HPSE2: variants seen among roughly 807,000 people sequenced by gnomAD.
The protein encoded by HPSE2 is inactive heparanase-2.
In HPSE2, 38 loss-of-function variants were observed where a neutral mutation model predicts 60.5. That is an observed-to-expected ratio of 0.63 (90% CI 0.48 to 0.82). HPSE2 has a LOEUF of 0.82. HPSE2 is among the 40% of genes least tolerant of loss of function. The probability of loss-of-function intolerance (pLI) is 0.00; values close to 1 mark genes in which losing one functional copy is unlikely to be tolerated. For missense variants in HPSE2, 713 were observed against 740.4 expected (o/e 0.96, Z 0.43); for synonymous variants, 295 against 293.2 (o/e 1.01, Z -0.06).
intron 3 of HPSE2, among the ~76,000 whole-genome samples, chr10:98,831,428 T>C (rs1951681758): frequency 1.3e-5 from 2 of 152,160 alleles, no homozygotes; most frequent in South Asian, 2.1e-4. Context: ...CCAATATTTA[T>C]TGAAACAAGG....
At chr10:99,122,606 A>G (rs1041223452) in intron 3 of HPSE2, among the ~76,000 whole-genome samples, 6 of 108,496 alleles carry the variant, frequency 5.5e-5, no homozygotes, top group South Asian at 3.4e-4. Flanking sequence ...AATAAATTTA[A>G]TAAGAATAGA....
chr10:98,776,328 T>C (rs867697391), intron 3 of HPSE2, among the ~76,000 whole-genome samples: 2 of 150,282 alleles, frequency 1.3e-5, no homozygotes, highest in South Asian at 4.2e-4. Context: ...ATGCCTGTAA[T>C]CCCAGCTACT....
intron 3 of HPSE2, among the ~76,000 whole-genome samples, chr10:98,914,197 TGG>T (rs1954055286): frequency 6.6e-6 from 1 of 152,098 alleles, no homozygotes; most frequent in Non-Finnish European, 1.5e-5. Flanking sequence ...TGAGATCTGA[TGG>T]TTCTATAAGG....
chr10:99,298,243 C>CCTCA, the HPSE2 span, among the ~76,000 whole-genome samples: 2 of 152,208 alleles, frequency 1.3e-5, no homozygotes. Flanking sequence ...TCTGCACAAC[C>CCTCA]CTCACTCTCT....
intron 8 of HPSE2, among the ~76,000 whole-genome samples, chr10:98,616,264 C>T (rs1456594194): frequency 6.6e-6 from 1 of 152,178 alleles, no homozygotes; most frequent in African/African-American, 2.4e-5. Flanking sequence ...TAACTTATTT[C>T]TCCACCTTTC....
At chr10:98,724,853 C>G (rs1949028460) in intron 4 of HPSE2, among the ~76,000 whole-genome samples, 1 of 152,050 alleles carries the variant, frequency 6.6e-6, no homozygotes, top group African/African-American at 2.4e-5. Context: ...AACAGACAAA[C>G]AGAGAGCCAA....
chr10:99,051,918 T>C (rs1421227508), intron 3 of HPSE2, among the ~76,000 whole-genome samples: 1 of 151,406 alleles, frequency 6.6e-6, no homozygotes. Context: ...TTTAAGGTGA[T>C]CAGCCAATAA....
intron 4 of HPSE2, among the ~76,000 whole-genome samples, chr10:98,729,712 T>G (rs1949182334): frequency 6.6e-6 from 1 of 151,814 alleles, no homozygotes; most frequent in Non-Finnish European, 1.5e-5. Flanking sequence ...AAATAGATTT[T>G]AAGATAAAAA....
chr10:98,830,965 TAGTA>T (rs1159996629), intron 3 of HPSE2, among the ~76,000 whole-genome samples: 4 of 152,224 alleles, frequency 2.6e-5, no homozygotes, highest in Non-Finnish European at 4.4e-5. Flanking sequence ...TTCCCAGACT[TAGTA>T]AGTAATTGCT....
chr10:98,495,937 C>T (rs1174215200), intron 9 of HPSE2, among the ~76,000 whole-genome samples: 1 of 151,828 alleles, frequency 6.6e-6, no homozygotes, highest in African/African-American at 2.4e-5. Flanking sequence ...TATTTGTATG[C>T]TTTGTAATTT....
At chr10:98,973,643 A>G (rs1391209121) in intron 3 of HPSE2, among the ~76,000 whole-genome samples, 4 of 152,220 alleles carry the variant, frequency 2.6e-5, no homozygotes, top group Admixed American at 1.3e-4. Flanking sequence ...TGATGATCAC[A>G]TCTTAGTTAT....
intron 7 of HPSE2, among the ~76,000 whole-genome samples, chr10:98,626,109 AAAAAAAAAG>A (rs1273950890): frequency 2.3e-5 from 3 of 129,208 alleles, no homozygotes; most frequent in Non-Finnish European, 3.3e-5. Flanking sequence ...CCGTCTCAAA[AAAAAAAAAG>A]AAAAAGAAAA....
intron 9 of HPSE2, among the ~76,000 whole-genome samples, chr10:98,560,098 G>A (rs1026413023): frequency 1.3e-5 from 2 of 152,108 alleles, no homozygotes; most frequent in African/African-American, 4.8e-5. Context: ...TTTAAAAATA[G>A]AGTGCAGAGC....
In HPSE2 at chr10:98,742,961, TTC is replaced by T. The variant is rs1589748249; in HGVS notation, c.784+920_784+921del. ...ACCAAGAATGGGTCTCTTCTTTTTTTTCCTTTTCTTTTCTTTTTTTTTTTTTT... is the reference window on the plus strand; with the variant it reads ...ACCAAGAATGGGTCTCTTCTTTTTTTCTTTTCTTTTCTTTTTTTTTTTTTT... On this transcript the variant is annotated intron_variant, in intron 4 of 11. Coordinates refer to ENST00000370552, the MANE Select transcript of HPSE2 (RefSeq NM_021828.5). Among the ~76,000 whole-genome samples the T allele has an allele frequency of 3.4e-5, 4 of 119,002 alleles. No homozygotes were observed. In the East Asian group the frequency reaches 9.8e-4, roughly 29 times the overall value. The allele number at this position is 119,002 out of a possible 152,430, so 78.1% of individuals were successfully genotyped here.
rs112190225 is a variant in HPSE2 at position 98,484,547 on chromosome 10, A to G, written c.1467-1765T>C. Among the ~76,000 whole-genome samples, 581 of 152,184 alleles carry G rather than the reference A, an allele frequency of 3.8e-3. 5 individuals carry two copies. The highest frequency in any genetic ancestry group is 0.014 in the African/African-American group (562 of 41,518). Reference sequence around the variant, plus strand: ...ACACCATGCCCGGACACCTTTGCCTATTTTTCTGTTGATTTATAAAAACTA... The same window carrying G: ...ACACCATGCCCGGACACCTTTGCCTGTTTTTCTGTTGATTTATAAAAACTA... On this transcript the variant is annotated intron_variant, in intron 10 of 11. Transcript: ENST00000370552.
At chr10:98,472,439 T>C (rs887991612) in intron 11 of HPSE2, among the ~76,000 whole-genome samples, 1 of 152,164 alleles carries the variant, frequency 6.6e-6, no homozygotes. Context: ...GGGCTGCAGC[T>C]GATGTGGTTG....
At chr10:99,261,871 C>A in the HPSE2 span, among the ~76,000 whole-genome samples, 5 of 152,312 alleles carry the variant, frequency 3.3e-5, no homozygotes, top group Admixed American at 3.3e-4. Flanking sequence ...CTTCAAGTGC[C>A]AAAAATCTGG....
intron 3 of HPSE2, among the ~76,000 whole-genome samples, chr10:99,010,387 T>G (rs1386229620): frequency 6.6e-6 from 1 of 152,166 alleles, no homozygotes; most frequent in East Asian, 1.9e-4. Flanking sequence ...TTTCCTGAGC[T>G]TGGGAAAAAG....
In HPSE2 at chr10:98,732,874, A is replaced by T. The variant is rs184148620; in HGVS notation, c.784+11009T>A. Among the ~76,000 whole-genome samples the T allele has an allele frequency of 1.3e-3, 202 of 152,260 alleles. 9 individuals are homozygous for T. In the East Asian group the frequency reaches 0.016, roughly 12 times the overall value. On this transcript the variant is annotated intron_variant, in intron 4 of 11. Transcript: ENST00000370552. The stretch of plus-strand genomic sequence containing the variant: ...TTGCAAATCATATACTTGAATTTTT[A>T]AAAAAATACGTGTATCCAGAATATA...
Sources: gnomAD v4.1 joint callset for allele counts (sites outside exome capture counted in the v4.1 genomes callset) on GRCh38, gnomAD v4.1.1 for gene constraint, MANE v1.5 for transcripts, NCBI Gene and HGNC (gene_info 2026-07-23, HGNC 2026-07-21) for gene names.